The following PRKN variants were observed in gnomAD, a reference collection of about 807,000 sequenced individuals.
PRKN encodes parkin RBR E3 ubiquitin protein ligase, also known as E3 ubiquitin-protein ligase parkin.
In PRKN, 56 loss-of-function variants were observed where a neutral mutation model predicts 59.5. The observed-to-expected ratio is 0.94, with a 90% CI of 0.76 to 1.18. The LOEUF (loss-of-function observed/expected upper bound fraction) is 1.18, where lower values mean the gene tolerates loss of function less well. Among genes scored for constraint, PRKN ranks in the 50% most tolerant of loss-of-function variants. PRKN has a pLI of 0.00. For missense variants in PRKN, 657 were observed against 596.4 expected (o/e 1.10, Z -1.06); for synonymous variants, 250 against 222.1 (o/e 1.13, Z -1.12).
rs1012322064 is a variant in PRKN at position 162,034,196 on chromosome 6, G to T, written c.618+19895C>A. Among the ~76,000 whole-genome samples, 827 of 150,100 alleles carry T rather than the reference G, an allele frequency of 5.5e-3. 3 individuals carry two copies. Among genetic ancestry groups the T allele is most frequent in the African/African-American group, 0.012 (477 of 40,858 alleles). ...ATATATATATATATATAGAGAGAGA[G>T]AGAGAGAGAGAGAGAGAGAGAGAGT... On this transcript the variant is annotated intron_variant, in intron 5 of 11. Coordinates refer to ENST00000366898, the MANE Select transcript of PRKN (RefSeq NM_004562.3).
chr6:161,571,481 G>A (rs1780887385), intron 7 of PRKN, among the ~76,000 whole-genome samples: 2 of 152,184 alleles, frequency 1.3e-5, no homozygotes, highest in Admixed American at 6.5e-5. Flanking sequence ...GAGAAAACCT[G>A]TATTCACACA....
intron 7 of PRKN, among the ~76,000 whole-genome samples, chr6:161,692,249 A>T (rs987018059): frequency 6.6e-6 from 1 of 152,192 alleles, no homozygotes; most frequent in African/African-American, 2.4e-5. Context: ...GAATAACTTT[A>T]GTTTTAAAAT....
intron 9 of PRKN, among the ~76,000 whole-genome samples, chr6:161,509,302 A>T (rs1441456444): frequency 6.6e-6 from 1 of 151,978 alleles, no homozygotes; most frequent in Non-Finnish European, 1.5e-5. Context: ...CTTGAGAAAA[A>T]GCACTTAGTC....
chr6:162,579,117 T>C (rs1265711060), intron 1 of PRKN, among the ~76,000 whole-genome samples: 1 of 152,198 alleles, frequency 6.6e-6, no homozygotes, highest in Non-Finnish European at 1.5e-5. Context: ...TGTTGAGCCT[T>C]TTCCTGGAAA....
chr6:161,431,515 T>C (rs903664498), intron 9 of PRKN, among the ~76,000 whole-genome samples: 4 of 152,194 alleles, frequency 2.6e-5, no homozygotes, highest in African/African-American at 9.7e-5. Context: ...ATAAAGTGTT[T>C]AATATTTTCC....
intron 5 of PRKN, among the ~76,000 whole-genome samples, chr6:161,980,779 G>A (rs1392715525): frequency 1.3e-5 from 2 of 152,114 alleles, no homozygotes; most frequent in African/African-American, 4.8e-5. Flanking sequence ...AGGGGGAAAA[G>A]GTGGCTTGGG....
intron 3 of PRKN, among the ~76,000 whole-genome samples, chr6:162,243,971 C>A (rs574903300): frequency 5.9e-5 from 9 of 152,006 alleles, no homozygotes; most frequent in Non-Finnish European, 1.2e-4. Context: ...ACACATAAAA[C>A]CAGATAGCTC....
Position 161,410,997 on chromosome 6 carries a change from T to C in PRKN, c.1084-24120A>G, listed in dbSNP as rs1787513554. On this transcript the variant is annotated intron_variant, in intron 9 of 11. Transcript: ENST00000366898. This position sits in a 1 kb window ranked among gnomAD's most constrained non-coding sequence, Gnocchi z 5.3. Reference sequence around the variant, plus strand: ...TGGAAGGAAGGCAGTTGACTCATCCTGCTTCCCTGTAGTAGATTTTATTTT... The same window carrying C: ...TGGAAGGAAGGCAGTTGACTCATCCCGCTTCCCTGTAGTAGATTTTATTTT... Among the ~76,000 whole-genome samples, 1 of 152,200 alleles carries C rather than the reference T, an allele frequency of 6.6e-6. No homozygotes were observed. Among genetic ancestry groups the C allele is most frequent in the Non-Finnish European group, 1.5e-5 (1 of 68,042 alleles).
intron 1 of PRKN, among the ~76,000 whole-genome samples, chr6:162,716,145 C>CAAAAAAT (rs999445697): frequency 6.6e-6 from 1 of 152,022 alleles, no homozygotes; most frequent in Non-Finnish European, 1.5e-5. Flanking sequence ...CTTTTTTCAG[C>CAAAAAAT]AAAAAATAAA....
intron 5 of PRKN, among the ~76,000 whole-genome samples, chr6:162,008,992 C>T (rs1385383216): frequency 2.0e-5 from 3 of 151,896 alleles, no homozygotes; most frequent in Non-Finnish European, 2.9e-5. Context: ...CAGTGGCTCA[C>T]GCCTGTAATC....
chr6:161,595,967 G>C (rs1310467161), intron 7 of PRKN, among the ~76,000 whole-genome samples: 1 of 152,166 alleles, frequency 6.6e-6, no homozygotes, highest in Non-Finnish European at 1.5e-5. Context: ...AGAAATACCT[G>C]CAACTAATGT....
In PRKN at chr6:161,369,829, C is replaced by A; in HGVS notation, c.1168-9624G>T. The A allele has an allele frequency of 4.9e-6, 1 of 205,104 alleles. No individual in the cohort carries two copies. The highest frequency in any genetic ancestry group is 8.2e-5 in the South Asian group (1 of 12,128). The allele number at this position is 205,104 out of a possible 1,614,324, so 12.7% of individuals were successfully genotyped here. A position where few individuals can be genotyped will look rare whatever the true frequency, so the allele number is the denominator to read the frequency against. ...TCATATGATTATAGGAAATATATTT[C>A]ATATACATATAGAGAGAGACAGAGA... On this transcript the variant is annotated intron_variant, in intron 10 of 11. Coordinates refer to ENST00000366898, the MANE Select transcript of PRKN (RefSeq NM_004562.3). This position sits in a 1 kb window ranked among gnomAD's most constrained non-coding sequence, Gnocchi z 5.8.
chr6:162,481,561 T>C (rs911032221), intron 1 of PRKN, among the ~76,000 whole-genome samples: 2 of 152,204 alleles, frequency 1.3e-5, no homozygotes, highest in African/African-American at 2.4e-5. Context: ...TTAACCAGCA[T>C]GATATTTGGC....
Position 161,805,567 on chromosome 6 carries a change from T to C in PRKN, c.735-19659A>G, listed in dbSNP as rs374848228. On this transcript the variant is annotated intron_variant, in intron 6 of 11. Transcript: ENST00000366898. ...AGATCCTGTCTTTACTATTTCCTGTTGCTCTAGTGAGTCTCTTCCAGGGCT... is the reference window on the plus strand; with the variant it reads ...AGATCCTGTCTTTACTATTTCCTGTCGCTCTAGTGAGTCTCTTCCAGGGCT... Among the ~76,000 whole-genome samples, 191 of 152,276 alleles carry C rather than the reference T, an allele frequency of 1.3e-3. 6 individuals are homozygous for C. The South Asian group carries it at 0.039, about 31-fold the overall frequency.
rs1337044353 is a variant in PRKN, at chr6:161,440,404, T to A, written c.1084-53527A>T. On this transcript the variant is annotated intron_variant, in intron 9 of 11. Coordinates refer to ENST00000366898, the MANE Select transcript of PRKN (RefSeq NM_004562.3). The surrounding 1 kb of genome is among the most constrained non-coding windows in gnomAD (Gnocchi z 4.1). ...AAACATCCTACAATGCAAAGAACAGTCCCCCTGACAAAGGATTATCCCACC... is the reference window on the plus strand; with the variant it reads ...AAACATCCTACAATGCAAAGAACAGACCCCCTGACAAAGGATTATCCCACC... Among the ~76,000 whole-genome samples, 2 of 151,910 alleles carry A rather than the reference T, an allele frequency of 1.3e-5. No homozygotes were observed. The highest frequency in any genetic ancestry group is 6.6e-5 in the Admixed American group (1 of 15,234).
At chr6:162,186,311 C>CT (rs5881461) in intron 4 of PRKN, among the ~76,000 whole-genome samples, 23,606 of 144,192 alleles carry the variant, frequency 0.16, 2,432 homozygotes, top group African/African-American at 0.29. Context: ...TTTTAACAGA[C>CT]TTTTTTTTTT....
Position 161,468,140 on chromosome 6 carries a change from T to G in PRKN, c.1083+80714A>C, listed in dbSNP as rs113412013. 1.3e-5 allele frequency among the ~76,000 whole-genome samples: 2 copies of G among 152,090 alleles called. No homozygotes were observed. The highest frequency in any genetic ancestry group is 2.9e-5 in the Non-Finnish European group (2 of 68,006). ...GGCACGCACCACCACACCTAGCTAATTTTTGTATTTTTAGTAGAGACGGGG... is the reference window on the plus strand; with the variant it reads ...GGCACGCACCACCACACCTAGCTAAGTTTTGTATTTTTAGTAGAGACGGGG... On this transcript the variant is annotated intron_variant, in intron 9 of 11. Transcript: ENST00000366898. The surrounding 1 kb of genome is among the most constrained non-coding windows in gnomAD (Gnocchi z 5.9).
chr6:161,708,461 G>T, intron 7 of PRKN, among the ~76,000 whole-genome samples: 1 of 124,762 alleles, frequency 8.0e-6, no homozygotes, highest in South Asian at 2.4e-4. Flanking sequence ...GTTGATTTCA[G>T]AAAAAAAAAA....
At chr6:162,319,814 C>T (rs1782911192) in intron 2 of PRKN, among the ~76,000 whole-genome samples, 1 of 151,916 alleles carries the variant, frequency 6.6e-6, no homozygotes, top group South Asian at 2.1e-4. Context: ...CACAAAAATT[C>T]ATTGTAAATA....
Sources: gnomAD v4.1 joint callset for allele counts (sites outside exome capture counted in the v4.1 genomes callset) on GRCh38, gnomAD v4.1.1 for gene constraint, Gnocchi (gnomAD v3.1) non-coding constraint, MANE v1.5 for transcripts, NCBI Gene and HGNC (gene_info 2026-07-23, HGNC 2026-07-21) for gene names.